The following PARD3 variants were observed in gnomAD, a reference collection of about 807,000 sequenced individuals.
The protein encoded by PARD3 is par-3 family cell polarity regulator, also known as partitioning defective 3 homolog.
In PARD3, 75 loss-of-function variants were observed where a neutral mutation model predicts 155.4. The ratio of observed to expected loss-of-function variants is 0.48; its 90% CI spans 0.40 to 0.58. PARD3 has a LOEUF of 0.58. Among genes scored for constraint, PARD3 ranks in the 20% least tolerant of loss-of-function variants. PARD3 has a pLI of 0.00. For synonymous variants in PARD3, 576 were observed against 610.5 expected (o/e 0.94, Z 0.83); for missense variants, 1,642 against 1,721.7 (o/e 0.95, Z 0.82).
chr10:34,614,455 C>T (rs2091118966), intron 2 of PARD3, among the ~76,000 whole-genome samples: 1 of 152,192 alleles, frequency 6.6e-6, no homozygotes, highest in Non-Finnish European at 1.5e-5. Context: ...TCTAGGGTAA[C>T]AAGGCTGATT....
rs190305950 is a variant in PARD3, at chr10:34,742,551, G to A, written c.121-46132C>T. ...TCCGTGTTCATTAAGTGTCCTGGAA[G>A]CAGAACTGCATCATAAGATCAATGG... On this transcript the variant is annotated intron_variant, in intron 1 of 24. Coordinates refer to ENST00000374788, the MANE Select transcript of PARD3 (RefSeq NM_001184785.2). Among the ~76,000 whole-genome samples, 138 of 152,226 alleles carry A rather than the reference G, an allele frequency of 9.1e-4. 1 individual carries two copies. Among genetic ancestry groups the A allele is most frequent in the African/African-American group, 3.2e-3 (132 of 41,528 alleles).
intron 22 of PARD3, among the ~76,000 whole-genome samples, chr10:34,228,449 C>T (rs1213187517): frequency 1.3e-5 from 2 of 152,054 alleles, no homozygotes; most frequent in Admixed American, 6.5e-5. Flanking sequence ...AAAAATTATA[C>T]ATATTAACGG....
intron 5 of PARD3, among the ~76,000 whole-genome samples, chr10:34,446,762 G>C (rs1305405746): frequency 6.6e-6 from 1 of 152,008 alleles, no homozygotes; most frequent in Non-Finnish European, 1.5e-5. Flanking sequence ...GACATTTCCT[G>C]TGCCATCACG....
At chr10:34,756,625 T>C (rs1261551919) in intron 1 of PARD3, among the ~76,000 whole-genome samples, 3 of 151,830 alleles carry the variant, frequency 2.0e-5, no homozygotes, top group Non-Finnish European at 4.4e-5. Context: ...GACTAGTTTT[T>C]TTACTTTTTA....
At chr10:34,459,766 C>T (rs1010728883) in intron 4 of PARD3, among the ~76,000 whole-genome samples, 23 of 151,976 alleles carry the variant, frequency 1.5e-4, no homozygotes, top group African/African-American at 5.6e-4. Context: ...TAAATTACTA[C>T]AATTTGAAAA....
chr10:34,253,910 C>T (rs76234855), intron 22 of PARD3, among the ~76,000 whole-genome samples: 4,701 of 151,970 alleles, frequency 0.031, 241 homozygotes, highest in African/African-American at 0.11. Flanking sequence ...TGTGGTATGA[C>T]GGGCAGCAGA....
chr10:34,473,127 C>T (rs1413771361), intron 3 of PARD3, among the ~76,000 whole-genome samples: 1 of 152,142 alleles, frequency 6.6e-6, no homozygotes, highest in Non-Finnish European at 1.5e-5. Flanking sequence ...GCATAAACTG[C>T]AATGTGAAGG....
chr10:34,217,843 A>C (rs1457083677), intron 22 of PARD3, among the ~76,000 whole-genome samples: 4 of 152,120 alleles, frequency 2.6e-5, no homozygotes, highest in Admixed American at 2.0e-4. Context: ...TGCGACTCTA[A>C]AGAGGGAGGT....
intron 3 of PARD3, among the ~76,000 whole-genome samples, chr10:34,479,856 T>G: frequency 6.6e-6 from 1 of 151,748 alleles, no homozygotes; most frequent in African/African-American, 2.4e-5. Flanking sequence ...CAGAGAGGGG[T>G]CTTTGAGGAC....
chr10:34,177,374 T>A (rs1234439190), intron 22 of PARD3, among the ~76,000 whole-genome samples: 3 of 152,028 alleles, frequency 2.0e-5, no homozygotes, highest in Non-Finnish European at 2.9e-5. Flanking sequence ...CAAAACTCTT[T>A]CAGAGCTTTC....
At chr10:34,813,621 T>G (rs1248308338) in intron 1 of PARD3, among the ~76,000 whole-genome samples, 1 of 152,180 alleles carries the variant, frequency 6.6e-6, no homozygotes, top group African/African-American at 2.4e-5. Flanking sequence ...AAGGCCAAAT[T>G]TATGCTATTT....
intron 22 of PARD3, among the ~76,000 whole-genome samples, chr10:34,187,359 C>T (rs1950533803): frequency 6.6e-6 from 1 of 151,994 alleles, no homozygotes; most frequent in Non-Finnish European, 1.5e-5. Flanking sequence ...TCCAAAAGTC[C>T]CAGGCCAGAG....
At chr10:34,327,985 C>T (rs1334020325) in intron 19 of PARD3, among the ~76,000 whole-genome samples, 7 of 152,096 alleles carry the variant, frequency 4.6e-5, no homozygotes, top group African/African-American at 7.2e-5. Flanking sequence ...CCAGAGACTC[C>T]GCTGTGCAGG....
At chr10:34,404,779 G>A (rs934695508) in intron 5 of PARD3, among the ~76,000 whole-genome samples, 8 of 151,914 alleles carry the variant, frequency 5.3e-5, no homozygotes, top group South Asian at 2.1e-4. Context: ...TCTATAAAAC[G>A]TGAACAATAA....
chr10:34,633,202 T>G (rs964962210), intron 2 of PARD3, among the ~76,000 whole-genome samples: 5 of 152,190 alleles, frequency 3.3e-5, no homozygotes, highest in Non-Finnish European at 7.3e-5. Flanking sequence ...CTCAGCAGTA[T>G]TAAAATGTAC....
chr10:34,652,509 C>T (rs893942403), intron 2 of PARD3, among the ~76,000 whole-genome samples: 1 of 152,142 alleles, frequency 6.6e-6, no homozygotes, highest in African/African-American at 2.4e-5. Context: ...GATGGTGAAG[C>T]CAGCAGGGTA....
intron 2 of PARD3, among the ~76,000 whole-genome samples, chr10:34,524,943 T>C (rs547959352): frequency 6.1e-4 from 93 of 152,312 alleles, no homozygotes; most frequent in African/African-American, 2.2e-3. Flanking sequence ...AATTATTACG[T>C]AGACACAACA....
At chr10:34,507,548 C>CAAAAAAAAAAAAAAAAAAAAAAA (rs374421524) in intron 3 of PARD3, among the ~76,000 whole-genome samples, 2 of 42,996 alleles carry the variant, frequency 4.7e-5, no homozygotes, top group African/African-American at 2.2e-4. Context: ...ATTAAAAAAA[C>CAAAAAAAAAAAAAAAAAAAAAAA]AAAAAAAAAA....
intron 1 of PARD3, among the ~76,000 whole-genome samples, chr10:34,749,478 AAAT>A (rs1226289067): frequency 1.3e-5 from 2 of 151,420 alleles, no homozygotes; most frequent in Non-Finnish European, 2.9e-5. Context: ...ATATATAATA[AAAT>A]AATAAACTAT....
Sources: allele counts gnomAD v4.1 joint callset (sites outside exome capture counted in the v4.1 genomes callset), GRCh38; gene constraint gnomAD v4.1.1; transcripts MANE v1.5; gene names NCBI Gene and HGNC (gene_info 2026-07-23, HGNC 2026-07-21).